Variants in STARD3NL observed in about 807,000 individuals in gnomAD.
STARD3NL encodes the protein STARD3 N-terminal-like protein.
In STARD3NL, 17 loss-of-function variants were observed where a neutral mutation model predicts 30.9. That is an observed-to-expected ratio of 0.55 (90% CI 0.38 to 0.82). STARD3NL has a LOEUF of 0.82. STARD3NL is among the 40% of genes least tolerant of loss of function. STARD3NL has a pLI of 0.00. For missense variants in STARD3NL, 234 were observed against 277.6 expected (o/e 0.84, Z 1.12); for synonymous variants, 112 against 100.5 (o/e 1.11, Z -0.69).
At chr7:38,183,934 A>G (rs1784348600) in intron 1 of STARD3NL, among the ~76,000 whole-genome samples, 1 of 152,214 alleles carries the variant, frequency 6.6e-6, no homozygotes, top group Admixed American at 6.5e-5. Context: ...TTTAGTTAGC[A>G]AGTACTCAGA....
intron 1 of STARD3NL, among the ~76,000 whole-genome samples, chr7:38,188,406 C>A (rs1208902403): frequency 1.3e-5 from 2 of 152,212 alleles, no homozygotes; most frequent in African/African-American, 4.8e-5. Flanking sequence ...AGTCGTTGCT[C>A]AGATGCTGCC....
intron 3 of STARD3NL, 95 bp downstream of exon 3, chr7:38,214,529 C>G (rs1390286525): frequency 1.4e-6 from 1 of 690,692 alleles, no homozygotes; most frequent in African/African-American, 1.9e-5. Context: ...CCCTTTTTTC[C>G]TCTTTTGAAC....
At chr7:38,205,858 A>T (rs915598804) in intron 1 of STARD3NL, among the ~76,000 whole-genome samples, 1 of 152,152 alleles carries the variant, frequency 6.6e-6, no homozygotes, top group Non-Finnish European at 1.5e-5. Context: ...TCTTTCTTGA[A>T]GATAATCACT....
chr7:38,229,599 G>A (rs959761873), intron 8 of STARD3NL, among the ~76,000 whole-genome samples: 1 of 152,214 alleles, frequency 6.6e-6, no homozygotes, highest in Admixed American at 6.5e-5. Flanking sequence ...GGGAAGCTGG[G>A]ATAGAAGCTG....
Position 38,221,655 on chromosome 7 carries a change from T to C in STARD3NL, c.649+1995T>C, listed in dbSNP as rs542574086. Among the ~76,000 whole-genome samples the C allele has an allele frequency of 4.2e-3, 646 of 152,370 alleles. 4 individuals are homozygous for C. Among genetic ancestry groups the C allele is most frequent in the Non-Finnish European group, 7.0e-3 (479 of 68,038 alleles). The stretch of plus-strand genomic sequence containing the variant: ...TAAAGTATATTAGCCTCTTGGTGTT[T>C]ATGAAAATATAGACTTGGTCATGCC... On this transcript the variant is annotated intron_variant, in intron 7 of 8. Transcript: ENST00000009041.
At chr7:38,225,544 T>C (rs1433541190) in intron 7 of STARD3NL, among the ~76,000 whole-genome samples, 1 of 145,840 alleles carries the variant, frequency 6.9e-6, no homozygotes, top group Non-Finnish European at 1.5e-5. Context: ...ATTCATTCTC[T>C]TGCTTTTGGA....
chr7:38,222,567 A>G (rs1786531173), intron 7 of STARD3NL, among the ~76,000 whole-genome samples: 2 of 152,206 alleles, frequency 1.3e-5, no homozygotes, highest in South Asian at 2.1e-4. Context: ...TTTCTTAACT[A>G]GAGTTCAGAA....
chr7:38,223,073 C>CT (rs1786559617), intron 7 of STARD3NL, among the ~76,000 whole-genome samples: 1 of 151,880 alleles, frequency 6.6e-6, no homozygotes, highest in Admixed American at 6.6e-5. Context: ...CTTTTTTTGT[C>CT]TTTTTTTCCT....
chr7:38,193,453 C>T (rs377230582), intron 1 of STARD3NL, among the ~76,000 whole-genome samples: 42 of 152,172 alleles, frequency 2.8e-4, no homozygotes, highest in Admixed American at 2.2e-3. Flanking sequence ...CGCCCACCAC[C>T]ACGCCCGGCT....
chr7:38,226,580 T>C (rs1435405597), intron 7 of STARD3NL, among the ~76,000 whole-genome samples: 1 of 152,230 alleles, frequency 6.6e-6, no homozygotes, highest in African/African-American at 2.4e-5. Flanking sequence ...TACTTTCTGC[T>C]AAGTCCTTTC....
chr7:38,222,884 CTG>C (rs1786547800), intron 7 of STARD3NL, among the ~76,000 whole-genome samples: 1 of 152,024 alleles, frequency 6.6e-6, no homozygotes, highest in Non-Finnish European at 1.5e-5. Context: ...AAAATGAAAA[CTG>C]TTACTGGAAT....
At chr7:38,185,670 T>C (rs779920539) in intron 1 of STARD3NL, among the ~76,000 whole-genome samples, 18 of 152,160 alleles carry the variant, frequency 1.2e-4, no homozygotes, top group Non-Finnish European at 2.5e-4. Context: ...TTTATGTTGT[T>C]GAATGAAAAG....
intron 7 of STARD3NL, among the ~76,000 whole-genome samples, chr7:38,221,226 T>C (rs1014123091): frequency 8.5e-5 from 13 of 152,206 alleles, no homozygotes; most frequent in Non-Finnish European, 1.8e-4. Context: ...AAACCCACTA[T>C]TTTTAAAATT....
intron 2 of STARD3NL, among the ~76,000 whole-genome samples, chr7:38,209,723 A>G (rs1172929772): frequency 6.6e-6 from 1 of 152,178 alleles, no homozygotes; most frequent in Non-Finnish European, 1.5e-5. Flanking sequence ...GAGGAAAGTC[A>G]TGGGGTAGAA....
At chr7:38,200,540 A>G (rs1204202139) in intron 1 of STARD3NL, among the ~76,000 whole-genome samples, 2 of 152,136 alleles carry the variant, frequency 1.3e-5, no homozygotes, top group East Asian at 3.8e-4. Flanking sequence ...TTAACTCAAC[A>G]ATGAAATGAG....
chr7:38,222,077 G>A (rs1467597810), intron 7 of STARD3NL, among the ~76,000 whole-genome samples: 4 of 151,630 alleles, frequency 2.6e-5, no homozygotes, highest in East Asian at 3.9e-4. Context: ...TTTCTACTGC[G>A]GGTTGTAAAC....
At chr7:38,220,441 G>A (rs1326778403) in intron 7 of STARD3NL, among the ~76,000 whole-genome samples, 2 of 152,178 alleles carry the variant, frequency 1.3e-5, no homozygotes, top group Admixed American at 6.5e-5. Context: ...GCTTCATACC[G>A]ATTAGGATGA....
intron 2 of STARD3NL, among the ~76,000 whole-genome samples, chr7:38,213,133 T>C (rs1785904890): frequency 6.6e-6 from 1 of 152,176 alleles, no homozygotes; most frequent in South Asian, 2.1e-4. Flanking sequence ...AGAACTCCTG[T>C]TTGCTGTAGG....
chr7:38,189,014 G>A (rs749601739), intron 1 of STARD3NL, among the ~76,000 whole-genome samples: 4 of 152,168 alleles, frequency 2.6e-5, no homozygotes, highest in Non-Finnish European at 4.4e-5. Context: ...GAAAGGTTAA[G>A]TTCTGTTATG....
Sources: gnomAD v4.1 joint callset for allele counts (sites outside exome capture counted in the v4.1 genomes callset) on GRCh38, gnomAD v4.1.1 for gene constraint, MANE v1.5 for transcripts, NCBI Gene and HGNC (gene_info 2026-07-23, HGNC 2026-07-21) for gene names.